Variants in PTCHD4 observed in about 807,000 individuals in gnomAD.
PTCHD4 encodes the protein patched domain-containing protein 4.
A neutral mutation model predicts 58.1 loss-of-function variants in PTCHD4; 33 were observed. The ratio of observed to expected loss-of-function variants is 0.57; its 90% CI spans 0.43 to 0.76. The LOEUF is 0.76. Ranked by LOEUF, PTCHD4 falls within the 30% of genes least tolerant of loss-of-function variation. The pLI is 0.00. For synonymous variants in PTCHD4, 478 were observed against 409.6 expected, an observed-to-expected ratio of 1.17 and a Z score of -2.02; for missense variants, 1,058 against 1,027.1, an observed-to-expected ratio of 1.03 and a Z score of -0.41.
intron 4 of PTCHD4, among the ~76,000 whole-genome samples, chr6:47,893,578 T>G (rs1219264017): frequency 6.6e-6 from 1 of 152,196 alleles, no homozygotes; most frequent in Non-Finnish European, 1.5e-5. Flanking sequence ...GATGGACAAA[T>G]GAACTACTCC....
intron 4 of PTCHD4, among the ~76,000 whole-genome samples, chr6:47,985,077 G>C (rs367754602): frequency 6.6e-6 from 1 of 152,064 alleles, no homozygotes; most frequent in East Asian, 1.9e-4. Flanking sequence ...TATGAGAACT[G>C]ATTTTTATGC....
At chr6:47,957,194 T>A (rs1766897913) in intron 4 of PTCHD4, among the ~76,000 whole-genome samples, 1 of 149,474 alleles carries the variant, frequency 6.7e-6, no homozygotes. Context: ...TTGCCTTTTA[T>A]ATATTAAATA....
intron 4 of PTCHD4, among the ~76,000 whole-genome samples, chr6:47,939,639 C>G (rs1274077600): frequency 2.6e-5 from 4 of 152,044 alleles, no homozygotes; most frequent in African/African-American, 7.3e-5. Context: ...TGACCTTGCA[C>G]CAGTTGGTTA....
intron 4 of PTCHD4, among the ~76,000 whole-genome samples, chr6:47,932,082 CCT>C (rs1448397274): frequency 6.6e-6 from 1 of 152,156 alleles, no homozygotes; most frequent in African/African-American, 2.4e-5. Flanking sequence ...ACAGGAATTT[CCT>C]CTTTCTAGAA....
intron 3 of PTCHD4, among the ~76,000 whole-genome samples, chr6:48,066,841 T>A (rs1412872961): frequency 1.3e-5 from 2 of 150,990 alleles, no homozygotes; most frequent in African/African-American, 4.9e-5. Context: ...CCCTGAAGAA[T>A]CTCTAGTTTC....
intron 4 of PTCHD4, among the ~76,000 whole-genome samples, chr6:47,912,593 C>T (rs1765104882): frequency 6.6e-6 from 1 of 152,028 alleles, no homozygotes; most frequent in African/African-American, 2.4e-5. Flanking sequence ...TCCTTCATAC[C>T]TTCTTTGAAT....
intron 4 of PTCHD4, among the ~76,000 whole-genome samples, chr6:47,954,837 A>G (rs1766792191): frequency 2.6e-5 from 4 of 152,194 alleles, no homozygotes; most frequent in African/African-American, 9.7e-5. Context: ...TTCAAAGTAT[A>G]GAATGCAGCA....
At chr6:48,044,289 A>T (rs1763955878) in intron 3 of PTCHD4, among the ~76,000 whole-genome samples, 2 of 151,832 alleles carry the variant, frequency 1.3e-5, no homozygotes, top group Admixed American at 1.3e-4. Flanking sequence ...CTTTTCATCC[A>T]GTCTTTTAGT....
At chr6:47,883,231 C>A (rs9381625) in intron 4 of PTCHD4, among the ~76,000 whole-genome samples, 98,544 of 151,798 alleles carry the variant, frequency 0.65, 32,794 homozygotes, top group East Asian at 0.78. Flanking sequence ...TCCAGAAAGT[C>A]ATTTTCACTT....
At chr6:48,101,188 GA>G (rs1053337626) in intron 1 of PTCHD4, among the ~76,000 whole-genome samples, 2 of 151,594 alleles carry the variant, frequency 1.3e-5, no homozygotes, top group African/African-American at 2.4e-5. Context: ...ATGTAGGATG[GA>G]AAAAAAATAT....
At chr6:48,082,128 T>G (rs1765179696) in intron 1 of PTCHD4, among the ~76,000 whole-genome samples, 1 of 152,180 alleles carries the variant, frequency 6.6e-6, no homozygotes, top group Non-Finnish European at 1.5e-5. Context: ...AGGGGAAATA[T>G]TCCAATGCCT....
chr6:47,898,190 T>C (rs929075600), intron 4 of PTCHD4, among the ~76,000 whole-genome samples: 3 of 152,036 alleles, frequency 2.0e-5, no homozygotes, highest in Non-Finnish European at 1.5e-5. Flanking sequence ...ATGATCCACC[T>C]GCCTCGGCCT....
intron 1 of PTCHD4, among the ~76,000 whole-genome samples, chr6:48,070,172 T>A (rs1764951414): frequency 6.6e-6 from 1 of 151,782 alleles, no homozygotes. Context: ...TATATATGAA[T>A]TTTTTAGGGC....
intron 4 of PTCHD4, among the ~76,000 whole-genome samples, chr6:47,909,530 C>A (rs549324297): frequency 1.3e-5 from 2 of 152,182 alleles, no homozygotes; most frequent in African/African-American, 4.8e-5. Flanking sequence ...ACACTGTAAC[C>A]TTGACCTCCT....
intron 4 of PTCHD4, among the ~76,000 whole-genome samples, chr6:47,884,356 G>A (rs974419972): frequency 2.0e-5 from 3 of 151,962 alleles, no homozygotes; most frequent in Admixed American, 6.6e-5. Flanking sequence ...ACCATTTTTC[G>A]AGCATCTGCT....
intron 4 of PTCHD4, among the ~76,000 whole-genome samples, chr6:47,966,389 GC>G (rs1376634843): frequency 6.6e-6 from 1 of 152,190 alleles, no homozygotes; most frequent in Non-Finnish European, 1.5e-5. Flanking sequence ...GATTTTCTGA[GC>G]CTTGTGATTT....
chr6:47,996,691 C>T (rs1404787937), intron 4 of PTCHD4, among the ~76,000 whole-genome samples: 2 of 152,054 alleles, frequency 1.3e-5, no homozygotes, highest in Non-Finnish European at 2.9e-5. Flanking sequence ...ATAAGGAATC[C>T]ATATTCATAA....
intron 1 of PTCHD4, among the ~76,000 whole-genome samples, chr6:48,074,066 G>A (rs1024896265): frequency 1.3e-5 from 2 of 152,022 alleles, no homozygotes; most frequent in East Asian, 3.9e-4. Context: ...GTTTTAAGAA[G>A]ATGCTCTTTG....
intron 4 of PTCHD4, among the ~76,000 whole-genome samples, chr6:47,936,651 A>C (rs1766008757): frequency 6.6e-6 from 1 of 152,212 alleles, no homozygotes; most frequent in African/African-American, 2.4e-5. Context: ...CCCTTTACTT[A>C]GTCCTTGTTC....
Sources: gnomAD v4.1 joint callset for allele counts (sites outside exome capture counted in the v4.1 genomes callset) on GRCh38, gnomAD v4.1.1 for gene constraint, MANE v1.5 for transcripts, NCBI Gene and HGNC (gene_info 2026-07-23, HGNC 2026-07-21) for gene names.